TFCP2: variants seen among roughly 807,000 people sequenced by gnomAD.
The protein encoded by TFCP2 is alpha-globin transcription factor CP2.
In TFCP2, 33 loss-of-function variants were observed where a neutral mutation model predicts 73.4. That is an observed-to-expected ratio of 0.45 (90% CI 0.34 to 0.60). The LOEUF (loss-of-function observed/expected upper bound fraction) is 0.60, where lower values mean the gene tolerates loss of function less well. Among genes scored for constraint, TFCP2 ranks in the 20% least tolerant of loss-of-function variants. The pLI is 0.01. For synonymous variants in TFCP2, 193 were observed against 211.6 expected (o/e 0.91, Z 0.76); for missense variants, 352 against 604.0 (o/e 0.58, Z 4.37).
intron 1 of TFCP2, chr12:51,162,906 C>A (rs1003537690): frequency 1.3e-5 from 2 of 152,272 alleles, no homozygotes; most frequent in Admixed American, 6.5e-5. Context: ...GTTTAATGCT[C>A]ACTTCAGCAG....
At chr12:51,119,066 T>C (rs1271640484) in intron 1 of TFCP2, among the ~76,000 whole-genome samples, 4 of 152,228 alleles carry the variant, frequency 2.6e-5, no homozygotes, top group Admixed American at 2.0e-4. Context: ...AGTTCTAAAA[T>C]GTATAAATCT....
chr12:51,155,034 A>G (rs1048985061), intron 1 of TFCP2, among the ~76,000 whole-genome samples: 3 of 152,168 alleles, frequency 2.0e-5, no homozygotes, highest in Non-Finnish European at 2.9e-5. Flanking sequence ...GGCAACATCT[A>G]AAGGGCTGGG....
At chr12:51,152,154 G>T (rs1455156806) in intron 1 of TFCP2, among the ~76,000 whole-genome samples, 1 of 152,194 alleles carries the variant, frequency 6.6e-6, no homozygotes. Flanking sequence ...AACACTGCCA[G>T]TAATAGAAGC....
chr12:51,156,043 C>T (rs1472346161), intron 1 of TFCP2, among the ~76,000 whole-genome samples: 2 of 106,084 alleles, frequency 1.9e-5, no homozygotes, highest in African/African-American at 7.5e-5. Flanking sequence ...CTCTTTTTGT[C>T]TCAAAAAAAA....
intron 1 of TFCP2, among the ~76,000 whole-genome samples, chr12:51,169,054 A>G (rs1475877773): frequency 1.3e-5 from 2 of 151,652 alleles, no homozygotes. Context: ...CACCCACCTC[A>G]GTCTCCCAAA....
intron 1 of TFCP2, among the ~76,000 whole-genome samples, chr12:51,156,656 T>C (rs921802079): frequency 6.6e-6 from 1 of 152,218 alleles, no homozygotes; most frequent in Admixed American, 6.5e-5. Context: ...GAAATGTTGA[T>C]AGAATTCACC....
intron 1 of TFCP2, among the ~76,000 whole-genome samples, chr12:51,130,467 G>A (rs534376174): frequency 1.6e-4 from 23 of 144,728 alleles, no homozygotes; most frequent in African/African-American, 4.5e-4. Context: ...ACGAGACTCC[G>A]TCTCAAAAAA....
At chr12:51,109,331 G>A (rs1192581041) in intron 5 of TFCP2, 58 bp from the exon 6 acceptor site, 5 of 1,575,928 alleles carry the variant, frequency 3.2e-6, no homozygotes, top group Non-Finnish European at 3.5e-6. Flanking sequence ...CCAGTTGGCA[G>A]TATTTTTTTA....
rs1167552738 is a variant in TFCP2 at position 51,117,684 on chromosome 12, C to A, written c.338G>T (p.Gly113Val). Residue 113 changes from glycine to valine, a missense_variant, in exon 3 of 15, where the codon GGC becomes GTC. By Grantham distance (109) the Gly-to-Val change is moderately radical. This residue lies in a region of TFCP2 where 76 missense variants were observed against 163.2 expected (regional missense o/e 0.47). Transcript: ENST00000257915. ...RKLGELPEIN[G>V]KLVKSIFRVV... ...TATTCGTTTTACCTTCACCAATTTGCCATTAATTTCTGGAAGTTCTCCAAG... is the reference window on the plus strand; with the variant it reads ...TATTCGTTTTACCTTCACCAATTTGACATTAATTTCTGGAAGTTCTCCAAG... The A allele has an allele frequency of 1.9e-6, 3 of 1,611,746 alleles. No individual in the cohort carries two copies. The Admixed American group carries it at 5.0e-5, about 27-fold the overall frequency.
intron 5 of TFCP2, 73 bp downstream of exon 5, chr12:51,110,804 T>C: frequency 1.3e-5 from 15 of 1,134,622 alleles, no homozygotes; most frequent in Non-Finnish European, 2.0e-5. Flanking sequence ...TTAACATGTT[T>C]TATCCTTTAA....
At position 51,095,195 on chromosome 12, in the gene TFCP2, C is replaced by A. The variant is rs375659087; in HGVS notation, c.*46G>T. ...TATCCCCCTTCAAGAGGGCCGTTTT[C>A]AGAGGTGAAGGAAGGAGCAGCCACT... On this transcript the variant is annotated 3_prime_UTR_variant, in exon 15 of 15. Transcript: ENST00000257915. 43 of 1,607,034 alleles carry A rather than the reference C, an allele frequency of 2.7e-5. No individual in the cohort carries two copies. The highest frequency in any genetic ancestry group is 3.6e-5 in the Non-Finnish European group (42 of 1,173,578).
chr12:51,164,597 GAAAA>G (rs34452012), intron 1 of TFCP2, among the ~76,000 whole-genome samples: 1 of 99,358 alleles, frequency 1.0e-5, no homozygotes, highest in Non-Finnish European at 2.0e-5. Flanking sequence ...ACTCCATCTC[GAAAA>G]AAAAAAAAAA....
At chr12:51,150,418 G>GA (rs536864467) in intron 1 of TFCP2, among the ~76,000 whole-genome samples, 1,747 of 147,082 alleles carry the variant, frequency 0.012, 13 homozygotes, top group Middle Eastern at 0.031. Context: ...CCTCCATCTC[G>GA]AAAAAAAAAG....
At position 51,140,336 on chromosome 12, in the gene TFCP2, G is replaced by A. The variant is rs556698540; in HGVS notation, c.123-21564C>T. Reference sequence around the variant, plus strand: ...TCCCAATACTTTGGGAGGCTGAGGCGGAGGATCACTTGAGCCCAGTAATTC... The same window carrying A: ...TCCCAATACTTTGGGAGGCTGAGGCAGAGGATCACTTGAGCCCAGTAATTC... On this transcript the variant is annotated intron_variant, in intron 1 of 14. Transcript: ENST00000257915. Among the ~76,000 whole-genome samples the A allele has an allele frequency of 4.6e-5, 7 of 151,706 alleles. No individual in the cohort carries two copies. The East Asian group carries it at 5.9e-4, about 13-fold the overall frequency.
intron 8 of TFCP2, among the ~76,000 whole-genome samples, chr12:51,104,540 GA>G (rs1283804367): frequency 4.0e-5 from 6 of 151,078 alleles, no homozygotes; most frequent in Non-Finnish European, 7.4e-5. Context: ...AATTATGAAA[GA>G]ATAATTATCA....
chr12:51,146,913 G>A (rs186785893), intron 1 of TFCP2, among the ~76,000 whole-genome samples: 12 of 152,264 alleles, frequency 7.9e-5, no homozygotes, highest in African/African-American at 2.9e-4. Context: ...CCTGCATATG[G>A]GAGCATATGG....
At chr12:51,168,669 G>A (rs1163497280) in intron 1 of TFCP2, among the ~76,000 whole-genome samples, 1 of 152,052 alleles carries the variant, frequency 6.6e-6, no homozygotes, top group Admixed American at 6.6e-5. Context: ...ATTTTTAGTA[G>A]AGAGAGGGTC....
chr12:51,164,365 G>A (rs1313056525), intron 1 of TFCP2, among the ~76,000 whole-genome samples: 4 of 152,120 alleles, frequency 2.6e-5, no homozygotes, highest in Admixed American at 6.6e-5. Context: ...TTGGGAGGCC[G>A]AGGCGGGCAG....
intron 9 of TFCP2, 122 bp from the exon 10 acceptor site, chr12:51,103,885 C>T: frequency 1.2e-6 from 1 of 828,082 alleles, no homozygotes; most frequent in Non-Finnish European, 1.9e-6. Flanking sequence ...AAGTTGTTTT[C>T]TCTTTCTCCA....
Sources: allele counts gnomAD v4.1 joint callset (sites outside exome capture counted in the v4.1 genomes callset), GRCh38; gene constraint gnomAD v4.1.1; regional missense constraint gnomAD v4.1.1; transcripts MANE v1.5; gene names NCBI Gene and HGNC (gene_info 2026-07-23, HGNC 2026-07-21).